TRANK1: variants seen among roughly 807,000 people sequenced by gnomAD.
The protein encoded by TRANK1 is tetratricopeptide repeat and ankyrin repeat containing 1, also known as TPR and ankyrin repeat-containing protein 1.
A neutral mutation model predicts 266.0 loss-of-function variants in TRANK1; 198 were observed. That is an observed-to-expected ratio of 0.74 (90% CI 0.66 to 0.84). The LOEUF is 0.84. Ranked by LOEUF, TRANK1 falls within the 40% of genes least tolerant of loss-of-function variation. The pLI, the probability that TRANK1 is intolerant of heterozygous loss-of-function variation, is 0.00. For missense variants in TRANK1, 3,326 were observed against 3,634.6 expected (o/e 0.92, Z 2.18); for synonymous variants, 1,396 against 1,384.1 (o/e 1.01, Z -0.19).
intron 3 of TRANK1, among the ~76,000 whole-genome samples, chr3:36,901,415 C>T (rs928445693): frequency 8.5e-5 from 13 of 152,146 alleles, no homozygotes. Flanking sequence ...TATACACCTT[C>T]CCACAGTTTG....
intron 10 of TRANK1, among the ~76,000 whole-genome samples, chr3:36,864,015 G>A (rs957104853): frequency 3.3e-5 from 5 of 152,254 alleles, no homozygotes; most frequent in African/African-American, 1.2e-4. Flanking sequence ...TCCAACATTA[G>A]CCAGTATCTA....
chr3:36,897,386 G>T (rs112208810), intron 4 of TRANK1, among the ~76,000 whole-genome samples: 420 of 152,314 alleles, frequency 2.8e-3, no homozygotes, highest in African/African-American at 9.8e-3. Flanking sequence ...GTTGGCAAAA[G>T]ACTGACTGAA....
At chr3:36,899,079 T>C in intron 4 of TRANK1, 30 bp downstream of exon 4, 1 of 1,535,300 alleles carries the variant, frequency 6.5e-7, no homozygotes. Context: ...AGCAAGGACT[T>C]TACAAAAAGT....
At chr3:36,901,201 A>G (rs2079877220) in intron 3 of TRANK1, among the ~76,000 whole-genome samples, 1 of 151,236 alleles carries the variant, frequency 6.6e-6, no homozygotes, top group Admixed American at 6.6e-5. Flanking sequence ...AAGGTATCTG[A>G]GATTCAACAG....
At chr3:36,918,261 A>G (rs1376216951) in intron 1 of TRANK1, among the ~76,000 whole-genome samples, 2 of 151,940 alleles carry the variant, frequency 1.3e-5, no homozygotes, top group Non-Finnish European at 2.9e-5. Context: ...GGAAGGAGAA[A>G]TGGGAAGTTG....
In TRANK1 at chr3:36,892,271, T is replaced by A; in HGVS notation, c.706A>T (p.Ile236Phe). The change falls in exon 7 of 24, where the codon ATT (isoleucine) becomes TTT (phenylalanine). Residue 236 changes from isoleucine to phenylalanine, a missense_variant. Ile to Phe is a conservative substitution (Grantham distance 21). Coordinates refer to ENST00000645898, the MANE Select transcript of TRANK1 (RefSeq NM_001329998.2). ...CCTATAGTCTCAACACTTGCACCAA[T>A]GGAGATGAGCCACTGGACTAACTTG... Reference protein sequence around the residue: ...VPKLVQWLISIGASVETIGPY... With the variant: ...VPKLVQWLISFGASVETIGPY... 6.5e-7 allele frequency: 1 copy of A among 1,537,090 alleles called. No individual in the cohort carries two copies.
At chr3:36,914,625 G>T (rs1241742359) in intron 1 of TRANK1, among the ~76,000 whole-genome samples, 5 of 151,034 alleles carry the variant, frequency 3.3e-5, no homozygotes, top group Non-Finnish European at 2.9e-5. Context: ...CATTTTTCTA[G>T]ATTATTTATT....
At chr3:36,884,913 C>T (rs1012605918) in intron 8 of TRANK1, among the ~76,000 whole-genome samples, 2 of 132,870 alleles carry the variant, frequency 1.5e-5, no homozygotes, top group African/African-American at 5.8e-5. Context: ...AGCCTGGAGA[C>T]AGAGCAAGAC....
chr3:36,861,229 A>G, intron 10 of TRANK1, 69 bp from the exon 11 acceptor site: 1 of 1,477,664 alleles, frequency 6.8e-7, no homozygotes, highest in Non-Finnish European at 9.0e-7. Flanking sequence ...CCCAATCACA[A>G]CCCAACATCC....
At position 36,892,245 on chromosome 3, in the gene TRANK1, T is replaced by C. The variant is rs766581696; in HGVS notation, c.732A>G (p.Gly244=). The change falls in exon 7 of 24, where the codon GGA becomes GGG. Residue 244 remains glycine, a synonymous_variant. Transcript: ENST00000645898. ...GCATGAGGGCATGAAGGGGATACGG[T>C]CCTATAGTCTCAACACTTGCACCAA... is the stretch of plus-strand genomic sequence containing the variant. ...ISIGASVETI[G]PYPLHALMRL... 6.5e-7 allele frequency: 1 copy of C among 1,536,880 alleles called. No individual in the cohort carries two copies. Among genetic ancestry groups the C allele is most frequent in the African/African-American group, 1.4e-5 (1 of 72,948 alleles).
At position 36,857,518 on chromosome 3, in the gene TRANK1, T is replaced by C. The variant is rs762388679; in HGVS notation, c.2204A>G (p.Asp735Gly). ...PCSLRDCLMQ[D>G]ITVLIQQVEV... ...AACCTGCTGAATCAAAACTGTGATGTCCTGCATAAGGCAGTCTCTCAGCGA... is the reference window on the plus strand; with the variant it reads ...AACCTGCTGAATCAAAACTGTGATGCCCTGCATAAGGCAGTCTCTCAGCGA... Residue 735 changes from aspartate to glycine, a missense_variant, in exon 13 of 24, where the codon GAC becomes GGC. By Grantham distance (94) the Asp-to-Gly change is moderately conservative (BLOSUM62 -1). Transcript: ENST00000645898. This position sits in a 1 kb window ranked among gnomAD's most constrained non-coding sequence, Gnocchi z 4.3. 9.3e-6 allele frequency: 15 copies of C among 1,613,902 alleles called. No individual in the cohort carries two copies. In the Admixed American group the frequency reaches 2.3e-4, roughly 25 times the overall value.
At chr3:36,843,421 A>G (rs2078874994) in intron 17 of TRANK1, among the ~76,000 whole-genome samples, 1 of 152,176 alleles carries the variant, frequency 6.6e-6, no homozygotes, top group East Asian at 1.9e-4. Context: ...AAAAGGTGAC[A>G]AATTTTACAC....
chr3:36,898,959 C>A, intron 4 of TRANK1, 150 bp downstream of exon 4: 2 of 793,562 alleles, frequency 2.5e-6, no homozygotes, highest in Non-Finnish European at 3.8e-6. Context: ...ATCCAAAATG[C>A]TTTCTAATGT....
chr3:36,892,305 T>G lies in TRANK1; in HGVS notation c.672A>C (p.Glu224Asp). Residue 224 changes from glutamate (E) to aspartate (D), a missense_variant, in exon 7 of 24, where the codon GAA (glutamate) becomes GAC (aspartate). Transcript: ENST00000645898. Reference protein sequence around the residue: ...YVFIGLYEKMEQVPKLVQWLI... With the variant: ...YVFIGLYEKMDQVPKLVQWLI... Reference sequence around the variant, plus strand: ...GCCACTGGACTAACTTGGGCACTTGTTCCATCTTCTCATAAAGTCCAATGA... The same window carrying G: ...GCCACTGGACTAACTTGGGCACTTGGTCCATCTTCTCATAAAGTCCAATGA... The G allele has an allele frequency of 8.5e-6, 13 of 1,537,216 alleles. No homozygotes were observed. The highest frequency in any genetic ancestry group is 1.1e-5 in the Non-Finnish European group (13 of 1,146,912).
chr3:36,846,044 C>A (rs973668499), intron 17 of TRANK1, among the ~76,000 whole-genome samples: 3 of 152,230 alleles, frequency 2.0e-5, no homozygotes, highest in Non-Finnish European at 2.9e-5. Flanking sequence ...AAGATCTTCC[C>A]TGAAGGAGTT....
chr3:36,853,113 C>T (rs780190424), intron 13 of TRANK1, among the ~76,000 whole-genome samples: 1 of 152,182 alleles, frequency 6.6e-6, no homozygotes, highest in Non-Finnish European at 1.5e-5. Flanking sequence ...TGGCTTAATG[C>T]CTATCATACA....
chr3:36,847,370 G>A (rs1169705670), intron 15 of TRANK1, 24 bp from the exon 16 acceptor site: 1 of 1,611,848 alleles, frequency 6.2e-7, no homozygotes, highest in South Asian at 1.1e-5. Context: ...AAAAAGTGAA[G>A]ACCAACAGAA....
intron 1 of TRANK1, among the ~76,000 whole-genome samples, chr3:36,939,260 T>TACACATAC (rs2080464977): frequency 7.2e-6 from 1 of 139,832 alleles, no homozygotes; most frequent in African/African-American, 2.7e-5. Context: ...CATTCTAACA[T>TACACATAC]ACACACACAC....
At chr3:36,882,244 G>A (rs1262597486) in intron 8 of TRANK1, among the ~76,000 whole-genome samples, 1 of 152,126 alleles carries the variant, frequency 6.6e-6, no homozygotes. Flanking sequence ...GTCAACATTT[G>A]TTGTTATCTT....
Sources: gnomAD v4.1 joint callset for allele counts (sites outside exome capture counted in the v4.1 genomes callset) on GRCh38, gnomAD v4.1.1 for gene constraint, Gnocchi (gnomAD v3.1) non-coding constraint, MANE v1.5 for transcripts, NCBI Gene and HGNC (gene_info 2026-07-23, HGNC 2026-07-21) for gene names.